PARVB: variants seen among roughly 807,000 people sequenced by gnomAD.
PARVB encodes parvin beta, also known as beta-parvin.
A neutral mutation model predicts 47.0 loss-of-function variants in PARVB; 46 were observed. The observed-to-expected ratio is 0.98, with a 90% CI of 0.77 to 1.25. The LOEUF is 1.25. Among genes scored for constraint, PARVB ranks in the 50% most tolerant of loss-of-function variants. PARVB has a pLI of 0.00. For synonymous variants in PARVB, 196 were observed against 196.3 expected (o/e 1.00, Z 0.01); for missense variants, 473 against 471.6 (o/e 1.00, Z -0.03).
chr22:44,149,883 C>T (rs57347529), intron 9 of PARVB: 3,513 of 152,246 alleles, frequency 0.023, 122 homozygotes, highest in African/African-American at 0.081. Context: ...AGGCTGGGCG[C>T]GGTGGCTCAC....
chr22:44,095,490 C>A (rs147985919), intron 2 of PARVB, among the ~76,000 whole-genome samples: 1 of 148,020 alleles, frequency 6.8e-6, no homozygotes, highest in Non-Finnish European at 1.5e-5. Context: ...GGTGACAGAG[C>A]GAGACATCTC....
chr22:44,106,988 A>G (rs928539052), intron 3 of PARVB: 1 of 152,278 alleles, frequency 6.6e-6, no homozygotes, highest in Non-Finnish European at 1.5e-5. Flanking sequence ...GAATAATAGC[A>G]CCAACGTGAC....
chr22:44,116,562 C>G (rs1386608612), intron 3 of PARVB, among the ~76,000 whole-genome samples: 1 of 152,248 alleles, frequency 6.6e-6, no homozygotes, highest in Non-Finnish European at 1.5e-5. Context: ...TCACCACATC[C>G]TTACAGAGCT....
In PARVB at chr22:44,092,203, T is replaced by G. The variant is rs542090878; in HGVS notation, c.113-1725T>G. 2.6e-5 allele frequency among the ~76,000 whole-genome samples: 4 copies of G among 152,270 alleles called. No individual in the cohort carries two copies. In the South Asian group the frequency reaches 8.3e-4, roughly 32 times the overall value. ...TTGGCTCACTGCAACCTCCGCCTCC[T>G]GGGTTCAAGCAATTCTCCCACCTCA... On this transcript the variant is annotated intron_variant, in intron 1 of 12. Transcript: ENST00000338758.
chr22:44,102,236 G>T (rs1046091483), intron 3 of PARVB, among the ~76,000 whole-genome samples: 1 of 152,062 alleles, frequency 6.6e-6, no homozygotes, highest in Admixed American at 6.6e-5. Flanking sequence ...TTGTTCTATG[G>T]GATCAGATGA....
At chr22:43,999,844 A>AAAAAC (rs1555889953) in intron 2 of PARVB, among the ~76,000 whole-genome samples, 2 of 138,740 alleles carry the variant, frequency 1.4e-5, no homozygotes, top group African/African-American at 3.0e-5. Context: ...GAAAAAAAAA[A>AAAAAC]AAAAAAAAAA....
Position 44,154,948 on chromosome 22 carries a change from TGTGTGTGTGGTTTTTGTAGTCTGTGTG to T in PARVB, c.844-3024_844-2998del, listed in dbSNP as rs1278657912. ...CAGTCTGTGTGGTGTGATGTGTGTGTGTGTGTGTGGTTTTTGTAGTCTGTGTGGTGTGTGTGTGGTTTTTGTAGTCTG... is the reference window on the plus strand; with the variant it reads ...CAGTCTGTGTGGTGTGATGTGTGTGTGTGTGTGTGTGGTTTTTGTAGTCTG... On this transcript the variant is annotated intron_variant, in intron 10 of 12. Transcript: ENST00000338758. 7.3e-3 allele frequency among the ~76,000 whole-genome samples: 1,071 copies of T among 146,172 alleles called. 11 individuals are homozygous for T. Among genetic ancestry groups the T allele is most frequent in the African/African-American group, 0.021 (818 of 39,084 alleles).
intron 1 of PARVB, among the ~76,000 whole-genome samples, chr22:44,091,976 C>T (rs977176361): frequency 5.3e-5 from 8 of 152,196 alleles, no homozygotes; most frequent in East Asian, 3.9e-4. Flanking sequence ...TCCACGGTCA[C>T]GTCCTGAGAG....
intron 10 of PARVB, among the ~76,000 whole-genome samples, chr22:44,157,184 C>A (rs932162411): frequency 1.1e-4 from 16 of 152,200 alleles, no homozygotes; most frequent in African/African-American, 3.6e-4. Context: ...GTCTCTGCTG[C>A]AAGACAGAGT....
At chr22:44,099,527 A>T (rs140627474) in intron 2 of PARVB, among the ~76,000 whole-genome samples, 1 of 147,468 alleles carries the variant, frequency 6.8e-6, no homozygotes, top group Admixed American at 6.8e-5. Context: ...ATCCCCCCCC[A>T]CCTTTTTTTT....
At position 44,080,624 on chromosome 22, in the gene PARVB, G is replaced by A. The variant is rs183299142; in HGVS notation, c.113-13304G>A. ...TGCAAACTCCCTCTTGCCATGCAAAGTCACAGTTTCCTGGGACTTGATGTG... is the reference window on the plus strand; with the variant it reads ...TGCAAACTCCCTCTTGCCATGCAAAATCACAGTTTCCTGGGACTTGATGTG... On this transcript the variant is annotated intron_variant, in intron 1 of 12. Transcript: ENST00000338758. 2.0e-5 allele frequency among the ~76,000 whole-genome samples: 3 copies of A among 152,328 alleles called. No individual in the cohort carries two copies. The East Asian group carries it at 5.8e-4, about 29-fold the overall frequency.
chr22:44,140,789 G>A (rs2053536116), intron 8 of PARVB: 1 of 304,810 alleles, frequency 3.3e-6, no homozygotes, highest in South Asian at 2.8e-5. Context: ...GGTTTTATTA[G>A]TGTTGGTTTT....
At position 44,131,133 on chromosome 22, in the gene PARVB, TTCTC is replaced by T. The variant is rs34132028; in HGVS notation, c.377-336_377-333del. Among the ~76,000 whole-genome samples, 211 of 128,988 alleles carry T rather than the reference TTCTC, an allele frequency of 1.6e-3. 1 individual carries two copies. The highest frequency in any genetic ancestry group is 2.1e-3 in the Admixed American group (26 of 12,368). The allele number at this position is 128,988 out of a possible 152,430, so 84.6% of individuals were successfully genotyped here. On this transcript the variant is annotated intron_variant, in intron 4 of 12. Transcript: ENST00000338758. ...CCTTCCTTCCTTCCTTTTTCTTTCT[TTCTC>T]TCTCTCTCTCTCTCTCTTTCTGAGG...
At chr22:44,052,359 A>T (rs2051225440) in intron 1 of PARVB, among the ~76,000 whole-genome samples, 1 of 152,216 alleles carries the variant, frequency 6.6e-6, no homozygotes. Context: ...ACCGGGAGAA[A>T]GAAGGCCCGG....
At position 44,068,995 on chromosome 22, in the gene PARVB, T is replaced by A; in HGVS notation, c.113-24933T>A. The A allele has an allele frequency of 2.5e-6, 2 of 799,228 alleles. No homozygotes were observed. Among genetic ancestry groups the A allele is most frequent in the Non-Finnish European group, 4.0e-6 (2 of 497,512 alleles). 49.5% of individuals were successfully genotyped at this position (799,228 alleles called of 1,614,324 possible). The stretch of plus-strand genomic sequence containing the variant: ...CCCCGGTCCTTCCACAGCCTGACCC[T>A]CTGTGACCTTCCTCAAAGGCTCCCC... On this transcript the variant is annotated intron_variant, in intron 1 of 12. Transcript: ENST00000338758. The surrounding 1 kb of genome is among the most constrained non-coding windows in gnomAD (Gnocchi z 4.1).
chr22:44,064,962 T>C lies in PARVB; in HGVS notation c.113-28966T>C, dbSNP rs545635555. Among the ~76,000 whole-genome samples the C allele has an allele frequency of 3.9e-5, 6 of 152,338 alleles. No homozygotes were observed. The East Asian group carries it at 9.6e-4, about 24-fold the overall frequency. On this transcript the variant is annotated intron_variant, in intron 1 of 12. Transcript: ENST00000338758. ...TCCACTGATCCCCAGGTTTGGTTGA[T>C]TGTATGAAACCAAGAGGAAATGTAC...
At chr22:44,048,906 T>C (rs1349297488) in intron 1 of PARVB, among the ~76,000 whole-genome samples, 1 of 152,144 alleles carries the variant, frequency 6.6e-6, no homozygotes, top group Non-Finnish European at 1.5e-5. Context: ...GCCAGGCTAG[T>C]CTCGAGCTAC....
At chr22:44,121,382 C>G (rs943663654) in intron 4 of PARVB, among the ~76,000 whole-genome samples, 2 of 152,034 alleles carry the variant, frequency 1.3e-5, no homozygotes, top group Admixed American at 6.6e-5. Flanking sequence ...ATGATGCGCT[C>G]CCCATGATTT....
At position 44,172,126 on chromosome 22, in the gene PARVB, G is replaced by A. The variant is rs2054274902; in HGVS notation, c.*3448G>A. The A allele has an allele frequency of 6.6e-6, 1 of 151,804 alleles. No homozygotes were observed. Among genetic ancestry groups the A allele is most frequent in the African/African-American group, 2.4e-5 (1 of 41,410 alleles). 9.4% of individuals were successfully genotyped at this position (151,804 alleles called of 1,614,324 possible). A position where few individuals can be genotyped will look rare whatever the true frequency, so the allele number is the denominator to read the frequency against. On this transcript the variant is annotated 3_prime_UTR_variant, in exon 13 of 13. Transcript: ENST00000338758. ...TTTTCTCCATTCACCATCAGTTTGAGTCTGAATTCATAGCATGGCCTGGAC... is the reference window on the plus strand; with the variant it reads ...TTTTCTCCATTCACCATCAGTTTGAATCTGAATTCATAGCATGGCCTGGAC...
Sources: allele counts gnomAD v4.1 joint callset (sites outside exome capture counted in the v4.1 genomes callset), GRCh38; gene constraint gnomAD v4.1.1; non-coding constraint Gnocchi (gnomAD v3.1); transcripts MANE v1.5; gene names NCBI Gene and HGNC (gene_info 2026-07-23, HGNC 2026-07-21).